The following CIAO3 variants were observed in gnomAD, a reference collection of about 807,000 sequenced individuals.
The protein encoded by CIAO3 is cytosolic iron-sulfur assembly component 3, also known as LET1 like/JFP15.
In CIAO3, 45 loss-of-function variants were observed where a neutral mutation model predicts 51.5. The ratio of observed to expected loss-of-function variants is 0.87; its 90% confidence interval spans 0.69 to 1.12. The LOEUF (loss-of-function observed/expected upper bound fraction) is 1.12. Ranked by LOEUF, CIAO3 falls within the 50% of genes most tolerant of loss-of-function variation. CIAO3 has a pLI of 0.00. For missense variants in CIAO3, 668 were observed against 632.5 expected (o/e 1.06, Z -0.60); for synonymous variants, 314 against 269.3 (o/e 1.17, Z -1.63).
chr16:734,071 A>G (rs911825112), intron 6 of CIAO3, 158 bp downstream of exon 6: 6 of 668,976 alleles, frequency 9.0e-6, no homozygotes, highest in Non-Finnish European at 1.6e-5. Flanking sequence ...GCAGAAGAGG[A>G]AGGGCCTGAA....
intron 2 of CIAO3, chr16:738,400 G>A: frequency 2.4e-6 from 2 of 850,712 alleles, no homozygotes. Context: ...CCAGGCTAGA[G>A]TGCAGTGGTG....
At position 731,606 on chromosome 16, in the gene CIAO3, G is replaced by A; in HGVS notation, c.993C>T (p.Leu331=). The part of the protein sequence containing the change: ...EHVFRHAARE[L]FGIHVAEVTY... ...TAACCTCAGCCACATGGATTCCAAA[G>A]AGCTCTCGGGCCGCGTGCCGGAACA... Residue 331 remains leucine (L), a synonymous_variant, in exon 9 of 11, where the codon CTC becomes CTT. Transcript: ENST00000251588. 2 of 1,564,924 alleles carry A rather than the reference G, an allele frequency of 1.3e-6. No individual in the cohort carries two copies. Among genetic ancestry groups the A allele is most frequent in the Non-Finnish European group, 1.7e-6 (2 of 1,155,244 alleles).
intron 10 of CIAO3, 63 bp downstream of exon 10, chr16:730,780 G>A: frequency 6.3e-7 from 1 of 1,593,184 alleles, no homozygotes; most frequent in Non-Finnish European, 8.5e-7. Context: ...CAGCCTGGTG[G>A]ATGGTGGCCC....
In CIAO3 at chr16:734,308, A is replaced by G. The variant is rs2041315580; in HGVS notation, c.614T>C (p.Ile205Thr). ...CYAEKTHGSF[I>T]LPHISTARSP... ...CCGGGCGGTGCTGATGTGGGGGAGG[A>G]TGAAGCTGCCGTGAGTCTTCTCGGC... is the stretch of plus-strand genomic sequence containing the variant. Residue 205 changes from isoleucine (I) to threonine (T), a missense_variant, in exon 6 of 11, where the codon ATC (isoleucine) becomes ACC (threonine). Ile to Thr is a moderately conservative substitution (Grantham distance 89). Coordinates refer to ENST00000251588, the MANE Select transcript of CIAO3 (RefSeq NM_022493.3). 6.2e-7 allele frequency: 1 copy of G among 1,611,646 alleles called. No individual in the cohort carries two copies. Among genetic ancestry groups the G allele is most frequent in the Non-Finnish European group, 8.5e-7 (1 of 1,179,866 alleles).
intron 6 of CIAO3, chr16:733,675 G>T: frequency 1.9e-6 from 1 of 529,442 alleles, no homozygotes; most frequent in East Asian, 3.5e-5. Context: ...GTCCAGCGGA[G>T]GAGAAGTGGC....
intron 6 of CIAO3, chr16:733,929 C>T (rs2041311303): frequency 2.3e-6 from 1 of 429,674 alleles, no homozygotes; most frequent in East Asian, 4.9e-5. Context: ...GCTGGGCATC[C>T]TCGTGGACCT....
Position 730,857 on chromosome 16 carries a change from A to G in CIAO3, c.1178T>C (p.Met393Thr), listed in dbSNP as rs368577479. ...GCAGGAGCTACCTGAGGGGCAGGCC[A>G]TGACCTCCACGTAGTGGTAGGGGCA... ...GRCPYHYVEV[M>T]ACPSGCLNGG... is the part of the protein sequence containing the mutation. The change falls in exon 10 of 11, where the codon ATG becomes ACG. Residue 393 changes from methionine to threonine, a missense_variant. Physicochemically the swap from Met to Thr is moderately conservative, Grantham distance 81. Transcript: ENST00000251588. 1.4e-5 allele frequency: 22 copies of G among 1,612,792 alleles called. No individual in the cohort carries two copies. The highest frequency in any genetic ancestry group is 1.9e-5 in the Non-Finnish European group (22 of 1,179,964).
rs2041354747 is a variant in CIAO3 at position 737,804 on chromosome 16, C to G, written c.163-475G>C. ...GGAGCCTGGCCTCCGGTGGGCGGGG[C>G]AGAAACAACCGTCAGACTCGCCAAA... On this transcript the variant is annotated intron_variant, in intron 2 of 10. Transcript: ENST00000251588. The surrounding 1 kb of genome is among the most constrained non-coding windows in gnomAD (Gnocchi z 5.3). 8.3e-7 allele frequency: 1 copy of G among 1,198,014 alleles called. No individual in the cohort carries two copies. 74.2% of individuals were successfully genotyped at this position (1,198,014 alleles called of 1,614,324 possible).
Position 737,153 on chromosome 16 carries a change from T to A in CIAO3, c.306+33A>T. On this transcript the variant is annotated intron_variant, in intron 3 of 10. Transcript: ENST00000251588. This position sits in a 1 kb window ranked among gnomAD's most constrained non-coding sequence, Gnocchi z 5.3. ...TCGGCTGCTGGGATGGATTTCAGGT[T>A]AAAGCAGAGTCACCAGGCCGACCAC... 1 of 1,611,776 alleles carries A rather than the reference T, an allele frequency of 6.2e-7. No individual in the cohort carries two copies. Among genetic ancestry groups the A allele is most frequent in the Non-Finnish European group, 8.5e-7 (1 of 1,178,582 alleles).
chr16:730,544 G>A lies in CIAO3; in HGVS notation c.1304C>T (p.Ala435Val), dbSNP rs143166023. 2.0e-5 allele frequency: 32 copies of A among 1,610,738 alleles called. No homozygotes were observed. The African/African-American group carries it at 2.3e-4, about 11-fold the overall frequency. The part of the protein sequence containing the change: ...GMVRAEAPED[A>V]PGVQELYTHW... The stretch of plus-strand genomic sequence containing the variant: ...TGTGTACAGCTCCTGAACCCCAGGC[G>A]CGTCCTCGGGCGCCTCAGCCCGGAC... The change falls in exon 11 of 11, where the codon GCG (alanine) becomes GTG (valine). Residue 435 changes from alanine (A) to valine (V), a missense_variant. Coordinates refer to ENST00000251588, the MANE Select transcript of CIAO3 (RefSeq NM_022493.3).
chr16:739,520 TG>T, intron 2 of CIAO3, 122 bp downstream of exon 2: 1 of 1,001,010 alleles, frequency 1.0e-6, no homozygotes. Flanking sequence ...ATTCGACCAG[TG>T]GGAAAAGACT....
At chr16:731,801 G>C in intron 8 of CIAO3, 99 bp from the exon 9 acceptor site, 1 of 1,400,542 alleles carries the variant, frequency 7.1e-7, no homozygotes, top group Non-Finnish European at 9.3e-7. Flanking sequence ...TGCATTTCCA[G>C]GTGGGAGACA....
In CIAO3 at chr16:737,276, C is replaced by T. The variant is rs1184388600; in HGVS notation, c.216G>A (p.Leu72=). ...EKAKVSLNDC[L]ACSGCITSAE... The stretch of plus-strand genomic sequence containing the variant: ...CGGAGGTGATGCAGCCGCTGCACGC[C>T]AGGCAGTCGTTTAGCGAGACCTTGG... The change falls in exon 3 of 11, where the codon CTG becomes CTA. Residue 72 remains leucine (L), a synonymous_variant. Coordinates refer to ENST00000251588, the MANE Select transcript of CIAO3 (RefSeq NM_022493.3). This position sits in a 1 kb window ranked among gnomAD's most constrained non-coding sequence, Gnocchi z 5.3. 1 of 1,613,494 alleles carries T rather than the reference C, an allele frequency of 6.2e-7. No individual in the cohort carries two copies. Among genetic ancestry groups the T allele is most frequent in the Non-Finnish European group, 8.5e-7 (1 of 1,180,016 alleles).
At chr16:733,168 A>G (rs2151601194) in intron 7 of CIAO3, 130 bp downstream of exon 7, 1 of 1,197,224 alleles carries the variant, frequency 8.4e-7, no homozygotes, top group South Asian at 1.5e-5. Flanking sequence ...AGGTACGTGC[A>G]CGCATGCGAG....
intron 2 of CIAO3, among the ~76,000 whole-genome samples, chr16:738,871 T>G (rs1202660713): frequency 7.0e-6 from 1 of 143,042 alleles, no homozygotes; most frequent in Non-Finnish European, 1.5e-5. Flanking sequence ...ACTCCTGACC[T>G]CAGGTGATCC....
At chr16:740,173 C>G in intron 1 of CIAO3, 2 of 1,227,386 alleles carry the variant, frequency 1.6e-6, no homozygotes, top group Non-Finnish European at 2.1e-6. Context: ...CCTTGAGAAC[C>G]CTGGCAGCCC....
rs1049227691 is a variant in CIAO3 at position 737,971 on chromosome 16, T to A, written c.163-642A>T. 8.6e-7 allele frequency: 1 copy of A among 1,164,128 alleles called. No individual in the cohort carries two copies. The highest frequency in any genetic ancestry group is 1.6e-5 in the African/African-American group (1 of 61,814). The allele number at this position is 1,164,128 out of a possible 1,614,324, so 72.1% of individuals were successfully genotyped here. On this transcript the variant is annotated intron_variant, in intron 2 of 10. Coordinates refer to ENST00000251588, the MANE Select transcript of CIAO3 (RefSeq NM_022493.3). The surrounding 1 kb of genome is among the most constrained non-coding windows in gnomAD (Gnocchi z 5.3). ...ATGGTTTGAGCAGGGCCAGGGGTGC[T>A]GCAGTGGCCCGGAATACAGCCAGAG...
At chr16:733,455 C>T (rs1276214580) in intron 6 of CIAO3, 28 bp from the exon 7 acceptor site, 1 of 1,612,814 alleles carries the variant, frequency 6.2e-7, no homozygotes, top group South Asian at 1.1e-5. Flanking sequence ...CACTTGTCTC[C>T]CCAATCCCAG....
rs2041359822 is a variant in CIAO3, at chr16:738,383, C to G, written c.163-1054G>C. ...TTTTTTTTTGAGATGGAGTCTCGCT[C>G]TGTCACCCAGGCTAGAGTGCAGTGG... On this transcript the variant is annotated intron_variant, in intron 2 of 10. Transcript: ENST00000251588. 8.7e-6 allele frequency: 8 copies of G among 919,040 alleles called. No individual in the cohort carries two copies. The South Asian group carries it at 3.5e-4, about 40-fold the overall frequency. The allele number at this position is 919,040 out of a possible 1,614,324, so 56.9% of individuals were successfully genotyped here.
Sources: allele counts gnomAD v4.1 joint callset (sites outside exome capture counted in the v4.1 genomes callset), GRCh38; gene constraint gnomAD v4.1.1; non-coding constraint Gnocchi (gnomAD v3.1); transcripts MANE v1.5; gene names NCBI Gene and HGNC (gene_info 2026-07-23, HGNC 2026-07-21).